The following OSBP2 variants were observed in gnomAD, a reference collection of about 807,000 sequenced individuals.
The protein encoded by OSBP2 is oxysterol binding protein 2, also known as oxysterol-binding protein 2.
A neutral mutation model predicts 96.0 loss-of-function variants in OSBP2; 66 were observed. That is an observed-to-expected ratio of 0.69 (90% confidence interval 0.56 to 0.84). OSBP2 has a LOEUF of 0.84. Ranked by LOEUF, OSBP2 falls within the 40% of genes least tolerant of loss-of-function variation. OSBP2 has a pLI of 0.00. For synonymous variants in OSBP2, 525 were observed against 520.9 expected, an observed-to-expected ratio of 1.01 and a Z score of -0.11; for missense variants, 1,038 against 1,222.7, an observed-to-expected ratio of 0.85 and a Z score of 2.25.
chr22:30,799,057 TTTCCTTCC>T (rs1159820708), intron 2 of OSBP2, among the ~76,000 whole-genome samples: 6,943 of 120,266 alleles, frequency 0.058, 222 homozygotes, highest in Middle Eastern at 0.083. Context: ...CATGCAAAGG[TTTCCTTCC>T]TTCCTTCCTT....
At chr22:30,856,091 T>G (rs1390264329) in intron 2 of OSBP2, among the ~76,000 whole-genome samples, 1 of 152,202 alleles carries the variant, frequency 6.6e-6, no homozygotes, top group African/African-American at 2.4e-5. Flanking sequence ...AGTGGGGTCC[T>G]GAGGACTGGG....
In OSBP2 at chr22:30,890,752, A is replaced by G. The variant is rs2039929811; in HGVS notation, c.1648A>G (p.Met550Val). 3.7e-6 allele frequency: 6 copies of G among 1,612,972 alleles called. No homozygotes were observed. Among genetic ancestry groups the G allele is most frequent in the Non-Finnish European group, 5.1e-6 (6 of 1,179,988 alleles). ...GGTGAACTTCAATGAGCCCCTGTCCATGCTCCAGCGGCTGACAGAGGACCT... is the reference window on the plus strand; with the variant it reads ...GGTGAACTTCAATGAGCCCCTGTCCGTGCTCCAGCGGCTGACAGAGGACCT... Reference protein sequence around the residue: ...MPVNFNEPLSMLQRLTEDLEY... With the variant: ...MPVNFNEPLSVLQRLTEDLEY... The change falls in exon 8 of 14, where the codon ATG (methionine) becomes GTG (valine). Residue 550 changes from methionine to valine, a missense_variant. By Grantham distance (21) the Met-to-Val change is conservative. Transcript: ENST00000332585. The surrounding 1 kb of genome is among the most constrained non-coding windows in gnomAD (Gnocchi z 4.4).
At chr22:30,824,467 G>A (rs1232964394) in intron 2 of OSBP2, among the ~76,000 whole-genome samples, 1 of 152,152 alleles carries the variant, frequency 6.6e-6, no homozygotes, top group African/African-American at 2.4e-5. Flanking sequence ...GGCCAGAAGG[G>A]TGTTTTCAAG....
At chr22:30,700,924 T>C (rs2089149312) in intron 1 of OSBP2, among the ~76,000 whole-genome samples, 1 of 150,788 alleles carries the variant, frequency 6.6e-6, no homozygotes, top group African/African-American at 2.4e-5. Context: ...ACCCCGTCTT[T>C]ACTATATACA....
chr22:30,711,606 G>A (rs1602155654), intron 1 of OSBP2, among the ~76,000 whole-genome samples: 2 of 151,962 alleles, frequency 1.3e-5, no homozygotes, highest in South Asian at 4.2e-4. Context: ...CAGGCATGGC[G>A]GTGTGTGCCT....
intron 2 of OSBP2, among the ~76,000 whole-genome samples, chr22:30,867,332 C>T (rs1295350333): frequency 1.3e-5 from 2 of 152,212 alleles, no homozygotes; most frequent in African/African-American, 4.8e-5. Flanking sequence ...TACCTTCTCC[C>T]CTTTCCAACC....
At chr22:30,742,249 G>A (rs899635748) in intron 2 of OSBP2, among the ~76,000 whole-genome samples, 1 of 151,940 alleles carries the variant, frequency 6.6e-6, no homozygotes, top group Non-Finnish European at 1.5e-5. Flanking sequence ...TAGCCAACAT[G>A]GTGAAAACCT....
chr22:30,713,281 G>C (rs1007527225), intron 1 of OSBP2, among the ~76,000 whole-genome samples: 6 of 151,640 alleles, frequency 4.0e-5, no homozygotes, highest in African/African-American at 1.5e-4. Flanking sequence ...GGGTTTCACC[G>C]TGTTAGCCAG....
At chr22:30,885,448 G>C (rs183117751) in intron 3 of OSBP2, among the ~76,000 whole-genome samples, 1 of 152,336 alleles carries the variant, frequency 6.6e-6, no homozygotes, top group East Asian at 1.9e-4. Context: ...TTCAAAACTG[G>C]TGGTGGAACC....
At chr22:30,808,276 G>T (rs913680800) in intron 2 of OSBP2, among the ~76,000 whole-genome samples, 35 of 152,042 alleles carry the variant, frequency 2.3e-4, no homozygotes, top group African/African-American at 8.4e-4. Flanking sequence ...CAAGGTGGGA[G>T]AATTACTTGA....
intron 2 of OSBP2, among the ~76,000 whole-genome samples, chr22:30,858,530 A>G (rs2039134337): frequency 6.6e-6 from 1 of 151,670 alleles, no homozygotes; most frequent in Admixed American, 6.6e-5. Context: ...TCCTAACCCC[A>G]CAGCACCCTA....
chr22:30,886,758 TTAGA>T (rs1236936669), intron 3 of OSBP2, among the ~76,000 whole-genome samples: 5 of 152,120 alleles, frequency 3.3e-5, no homozygotes, highest in Non-Finnish European at 5.9e-5. Context: ...CCCAGACGCC[TTAGA>T]TAGGAATTTG....
chr22:30,701,910 T>C (rs2089169376), intron 1 of OSBP2, among the ~76,000 whole-genome samples: 1 of 152,200 alleles, frequency 6.6e-6, no homozygotes, highest in Non-Finnish European at 1.5e-5. Context: ...TTTCTTAGCA[T>C]TTAGCACAGA....
At chr22:30,903,963 C>T (rs1167035806) in intron 12 of OSBP2, among the ~76,000 whole-genome samples, 1 of 152,220 alleles carries the variant, frequency 6.6e-6, no homozygotes, top group Non-Finnish European at 1.5e-5. Flanking sequence ...AGGTCTGAGG[C>T]TGCATCTTGG....
intron 2 of OSBP2, among the ~76,000 whole-genome samples, chr22:30,767,069 ATT>A (rs136334): frequency 7.6e-6 from 1 of 130,798 alleles, no homozygotes. Flanking sequence ...ATGGGATTTA[ATT>A]TTTTTTTTTT....
At chr22:30,858,780 G>A (rs2039140746) in intron 2 of OSBP2, among the ~76,000 whole-genome samples, 1 of 151,598 alleles carries the variant, frequency 6.6e-6, no homozygotes, top group African/African-American at 2.4e-5. Flanking sequence ...TCAGGAGGCT[G>A]AGGCAGGAGA....
intron 2 of OSBP2, among the ~76,000 whole-genome samples, chr22:30,825,103 G>A (rs919958263): frequency 1.3e-5 from 2 of 152,188 alleles, no homozygotes; most frequent in African/African-American, 4.8e-5. Flanking sequence ...GCAATGGCAT[G>A]TTCAAAGCAC....
chr22:30,801,273 A>C (rs1339252355), intron 2 of OSBP2, among the ~76,000 whole-genome samples: 1 of 152,228 alleles, frequency 6.6e-6, no homozygotes, highest in African/African-American at 2.4e-5. Flanking sequence ...TTAATAAAAA[A>C]GAGAAGAAAG....
chr22:30,829,923 G>A (rs1439569981), intron 2 of OSBP2, among the ~76,000 whole-genome samples: 1 of 152,214 alleles, frequency 6.6e-6, no homozygotes, highest in Non-Finnish European at 1.5e-5. Flanking sequence ...GACCCGACGG[G>A]GGCCAAAGTG....
Sources: allele counts gnomAD v4.1 joint callset (sites outside exome capture counted in the v4.1 genomes callset), GRCh38; gene constraint gnomAD v4.1.1; non-coding constraint Gnocchi (gnomAD v3.1); transcripts MANE v1.5; gene names NCBI Gene and HGNC (gene_info 2026-07-23, HGNC 2026-07-21).